Variants in MTUS2 observed in about 807,000 individuals in gnomAD.
The protein encoded by MTUS2 is microtubule-associated tumor suppressor candidate 2.
A neutral mutation model predicts 114.1 loss-of-function variants in MTUS2; 40 were observed. The observed-to-expected ratio is 0.35, with a 90% CI of 0.27 to 0.46. The LOEUF is 0.46. Ranked by LOEUF, MTUS2 falls within the 20% of genes least tolerant of loss-of-function variation. The probability of loss-of-function intolerance (pLI) is 1.00; values close to 1 mark genes in which losing one functional copy is unlikely to be tolerated. For missense variants in MTUS2, 1,679 were observed against 1,705.4 expected, an observed-to-expected ratio of 0.98 and a Z score of 0.27; for synonymous variants, 688 against 672.0, an observed-to-expected ratio of 1.02 and a Z score of -0.37.
chr13:29,089,852 G>A (rs1419640525), intron 4 of MTUS2, among the ~76,000 whole-genome samples: 1 of 152,122 alleles, frequency 6.6e-6, no homozygotes, highest in South Asian at 2.1e-4. Context: ...TTGTTTTACT[G>A]GTTCTTTGAA....
chr13:29,307,900 G>A lies in MTUS2; in HGVS notation c.2807-16713G>A. On this transcript the variant is annotated intron_variant, in intron 6 of 15. Transcript: ENST00000612955. ...AATCCCCCCTCCTCAGAGTTTCCAT[G>A]CAGATCTCCTGAAGAGGGAGGGGCC... 2.4e-5 allele frequency: 13 copies of A among 544,924 alleles called. No individual in the cohort carries two copies. The South Asian group carries it at 2.6e-4, about 11-fold the overall frequency. 33.8% of individuals were successfully genotyped at this position (544,924 alleles called of 1,614,324 possible). A position where few individuals can be genotyped will look rare whatever the true frequency, so the allele number is the denominator to read the frequency against.
At chr13:29,319,574 A>G (rs1455289331) in intron 6 of MTUS2, among the ~76,000 whole-genome samples, 2 of 152,178 alleles carry the variant, frequency 1.3e-5, no homozygotes, top group African/African-American at 4.8e-5. Context: ...TTCTCAAGCC[A>G]GGATACTGTG....
intron 9 of MTUS2, among the ~76,000 whole-genome samples, chr13:29,478,446 CTA>C (rs1209362233): frequency 1.3e-5 from 2 of 152,098 alleles, no homozygotes; most frequent in Admixed American, 6.5e-5. Context: ...TACTGTACTT[CTA>C]TGTTTTCTCT....
chr13:29,447,549 C>CT (rs1429198821), intron 9 of MTUS2, among the ~76,000 whole-genome samples: 1 of 149,732 alleles, frequency 6.7e-6, no homozygotes, highest in Non-Finnish European at 1.5e-5. Flanking sequence ...ATCAGGGTGA[C>CT]TTAAGTTTTG....
At chr13:29,203,246 G>A (rs1401305407) in intron 5 of MTUS2, among the ~76,000 whole-genome samples, 4 of 152,192 alleles carry the variant, frequency 2.6e-5, no homozygotes, top group African/African-American at 9.7e-5. Context: ...TCTGGCTATG[G>A]CGGCTTTGTG....
intron 2 of MTUS2, among the ~76,000 whole-genome samples, chr13:28,957,931 A>G (rs1254996807): frequency 1.3e-5 from 2 of 152,256 alleles, no homozygotes; most frequent in African/African-American, 4.8e-5. Flanking sequence ...GGCATGGGAT[A>G]GGAGACATGT....
chr13:29,047,776 C>T (rs374205273), intron 4 of MTUS2, among the ~76,000 whole-genome samples: 87 of 152,296 alleles, frequency 5.7e-4, no homozygotes, highest in African/African-American at 2.0e-3. Context: ...TCCCAAAGTG[C>T]TGGGATTACA....
At chr13:29,224,526 C>G in intron 5 of MTUS2, among the ~76,000 whole-genome samples, 1 of 151,896 alleles carries the variant, frequency 6.6e-6, no homozygotes, top group East Asian at 1.9e-4. Context: ...AATTATATCT[C>G]TCCTATATCT....
rs748337572 is a variant in MTUS2, at chr13:29,025,999, A to G, written c.1301A>G (p.Asp434Gly). 27 of 1,613,924 alleles carry G rather than the reference A, an allele frequency of 1.7e-5. No homozygotes were observed. Among genetic ancestry groups the G allele is most frequent in the Admixed American group, 3.3e-5 (2 of 60,004 alleles). Residue 434 changes from aspartate (D) to glycine (G), a missense_variant, in exon 3 of 16, where the codon GAC (aspartate) becomes GGC (glycine). Transcript: ENST00000612955. ...ACATCCAGCAGCTTTTCACCAGGTG[A>G]CAGTCATGTGGCTTTTATTCCTAAT... ...ERTSSSFSPGDSHVAFIPNNL... is the reference protein window; with the variant it reads ...ERTSSSFSPGGSHVAFIPNNL...
In MTUS2 at chr13:29,503,349, C is replaced by A. The variant is rs763562351; in HGVS notation, c.*143C>A. 1.0e-4 allele frequency: 90 copies of A among 883,584 alleles called. No homozygotes were observed. The highest frequency in any genetic ancestry group is 1.3e-4 in the Non-Finnish European group (77 of 575,902). 54.7% of individuals were successfully genotyped at this position (883,584 alleles called of 1,614,324 possible). On this transcript the variant is annotated 3_prime_UTR_variant, in exon 16 of 16. Coordinates refer to ENST00000612955, the MANE Select transcript of MTUS2 (RefSeq NM_001033602.4). ...CATCCTAGGCGCGTCCTCCTCTGATCCCCGTGTAAGACTGCCCTGGTGTCG... is the reference window on the plus strand; with the variant it reads ...CATCCTAGGCGCGTCCTCCTCTGATACCCGTGTAAGACTGCCCTGGTGTCG...
intron 2 of MTUS2, among the ~76,000 whole-genome samples, chr13:28,865,755 G>A (rs150025279): frequency 6.6e-6 from 1 of 152,260 alleles, no homozygotes; most frequent in Non-Finnish European, 1.5e-5. Context: ...AGAAGGAGCA[G>A]TATTATTGGG....
intron 4 of MTUS2, 64 bp downstream of exon 4, chr13:29,034,189 GTGA>G: frequency 6.3e-7 from 1 of 1,597,106 alleles, no homozygotes; most frequent in South Asian, 1.1e-5. Flanking sequence ...ATGTAAGATG[GTGA>G]TAATTGTCTA....
chr13:29,340,758 T>C (rs1264599579), intron 7 of MTUS2, among the ~76,000 whole-genome samples: 8 of 152,250 alleles, frequency 5.3e-5, no homozygotes, highest in African/African-American at 1.9e-4. Flanking sequence ...ACTCTAGCAG[T>C]GTACGTTGCA....
intron 8 of MTUS2, among the ~76,000 whole-genome samples, chr13:29,409,090 C>T (rs1324406632): frequency 1.3e-5 from 2 of 152,134 alleles, no homozygotes; most frequent in East Asian, 3.9e-4. Flanking sequence ...GAGGCCGAGG[C>T]GGGTGGATCA....
At chr13:29,146,118 A>G (rs1249317576) in intron 5 of MTUS2, among the ~76,000 whole-genome samples, 1 of 152,228 alleles carries the variant, frequency 6.6e-6, no homozygotes, top group African/African-American at 2.4e-5. Flanking sequence ...TATGTTTAAA[A>G]TAAAGTATCA....
At chr13:29,475,214 G>A (rs760189722) in intron 9 of MTUS2, among the ~76,000 whole-genome samples, 4 of 152,188 alleles carry the variant, frequency 2.6e-5, no homozygotes, top group Non-Finnish European at 5.9e-5. Context: ...GGTGACGTCA[G>A]AGCCTCATAG....
At chr13:29,084,231 C>T (rs915260822) in intron 4 of MTUS2, among the ~76,000 whole-genome samples, 3 of 152,164 alleles carry the variant, frequency 2.0e-5, no homozygotes, top group East Asian at 3.9e-4. Context: ...TTAAATCTTA[C>T]GTTGTATAAA....
At chr13:28,939,618 T>A (rs1287920975) in intron 2 of MTUS2, among the ~76,000 whole-genome samples, 1 of 152,182 alleles carries the variant, frequency 6.6e-6, no homozygotes, top group Non-Finnish European at 1.5e-5. Context: ...TCAGGATCAA[T>A]TTTTTGCTAT....
chr13:28,998,506 T>C (rs1243114445), intron 2 of MTUS2, among the ~76,000 whole-genome samples: 2 of 152,258 alleles, frequency 1.3e-5, no homozygotes, highest in Non-Finnish European at 2.9e-5. Context: ...GGTTCCATTC[T>C]GCCCGTCACT....
Sources: gnomAD v4.1 joint callset for allele counts (sites outside exome capture counted in the v4.1 genomes callset) on GRCh38, gnomAD v4.1.1 for gene constraint, MANE v1.5 for transcripts, NCBI Gene and HGNC (gene_info 2026-07-23, HGNC 2026-07-21) for gene names.